Variants in TMEM260 observed in about 807,000 individuals in gnomAD.
TMEM260 encodes transmembrane protein 260.
TMEM260 carries 82 observed loss-of-function variants against 88.9 expected under a neutral mutation model. The ratio of observed to expected loss-of-function variants is 0.92; its 90% CI spans 0.77 to 1.11. The LOEUF (loss-of-function observed/expected upper bound fraction) is 1.11, where lower values mean the gene tolerates loss of function less well. Among genes scored for constraint, TMEM260 ranks in the 50% least tolerant of loss-of-function variants. TMEM260 has a pLI of 0.00. For synonymous variants in TMEM260, 314 were observed against 309.3 expected, an observed-to-expected ratio of 1.02 and a Z score of -0.16; for missense variants, 902 against 853.4, an observed-to-expected ratio of 1.06 and a Z score of -0.71.
intron 8 of TMEM260, chr14:56,616,408 A>G (rs117305094): frequency 0.017 from 2,809 of 161,310 alleles, 38 homozygotes; most frequent in Middle Eastern, 0.037. Context: ...GTAAATCTCC[A>G]TTAATTTATT....
chr14:56,641,089 C>A (rs965788426), intron 15 of TMEM260, among the ~76,000 whole-genome samples: 24 of 151,292 alleles, frequency 1.6e-4, no homozygotes, highest in Non-Finnish European at 7.4e-5. Flanking sequence ...GGAAAACACT[C>A]TGCAGGATAC....
chr14:56,621,861 G>C (rs556159838), intron 11 of TMEM260, among the ~76,000 whole-genome samples, 159 bp downstream of exon 11: 1 of 152,134 alleles, frequency 6.6e-6, no homozygotes, highest in African/African-American at 2.4e-5. Context: ...ATATATATGG[G>C]CATACTTTTT....
At chr14:56,624,511 G>A (rs1189863894) in intron 11 of TMEM260, among the ~76,000 whole-genome samples, 1 of 152,228 alleles carries the variant, frequency 6.6e-6, no homozygotes, top group African/African-American at 2.4e-5. Context: ...GGAGCTTGCA[G>A]TGGGCTGAGA....
At chr14:56,638,218 T>A (rs933495006) in intron 15 of TMEM260, 1 of 151,234 alleles carries the variant, frequency 6.6e-6, no homozygotes. Flanking sequence ...GGCAGCATGC[T>A]GGAGTTCTGT....
In TMEM260 at chr14:56,631,342, G is replaced by A. The variant is rs540629053; in HGVS notation, c.1548-1653G>A. 5.9e-5 allele frequency among the ~76,000 whole-genome samples: 9 copies of A among 152,222 alleles called. No individual in the cohort carries two copies. The South Asian group carries it at 1.9e-3, about 32-fold the overall frequency. On this transcript the variant is annotated intron_variant, in intron 12 of 15. Coordinates refer to ENST00000261556, the MANE Select transcript of TMEM260 (RefSeq NM_017799.4). ...TGGGAGGTGAGAATGTGCAGTGTGGGCCAGGTGTGGTGACTCACGCCTGTA... is the reference window on the plus strand; with the variant it reads ...TGGGAGGTGAGAATGTGCAGTGTGGACCAGGTGTGGTGACTCACGCCTGTA...
intron 3 of TMEM260, among the ~76,000 whole-genome samples, chr14:56,590,165 A>G (rs1360632405): frequency 6.6e-6 from 1 of 152,198 alleles, no homozygotes; most frequent in Non-Finnish European, 1.5e-5. Context: ...ATTGACTTAG[A>G]CTGCTTAAGC....
intron 13 of TMEM260, among the ~76,000 whole-genome samples, chr14:56,634,289 G>A (rs1403946056): frequency 6.6e-6 from 1 of 152,036 alleles, no homozygotes; most frequent in African/African-American, 2.4e-5. Flanking sequence ...CCTCTGCCCT[G>A]TTGCCATCTA....
At chr14:56,601,927 C>G (rs1886603079) in intron 3 of TMEM260, among the ~76,000 whole-genome samples, 1 of 151,994 alleles carries the variant, frequency 6.6e-6, no homozygotes, top group Non-Finnish European at 1.5e-5. Context: ...TACCCTGGCT[C>G]TAGAATCAGC....
At chr14:56,622,215 C>T (rs1430381912) in intron 11 of TMEM260, among the ~76,000 whole-genome samples, 8 of 151,818 alleles carry the variant, frequency 5.3e-5, no homozygotes, top group East Asian at 1.9e-4. Flanking sequence ...TGGTGGCACG[C>T]GCCTGTAGTC....
Position 56,621,631 on chromosome 14 carries a change from C to G in TMEM260, c.1327C>G (p.Pro443Ala). ...AATTATCTTACTCAGAGGAGATTTGCCAGGAAATTCTCTCCGTTACATGCA... is the reference window on the plus strand; with the variant it reads ...AATTATCTTACTCAGAGGAGATTTGGCAGGAAATTCTCTCCGTTACATGCA... ...DAIILLRGDL[P>A]GNSLRYMHYC... The change falls in exon 11 of 16, where the codon CCA (proline) becomes GCA (alanine). Residue 443 changes from proline to alanine, a missense_variant. Physicochemically the swap from Pro to Ala is conservative, Grantham distance 27. Transcript: ENST00000261556. 6.2e-7 allele frequency: 1 copy of G among 1,613,212 alleles called. No individual in the cohort carries two copies. The highest frequency in any genetic ancestry group is 8.5e-7 in the Non-Finnish European group (1 of 1,179,612).
intron 3 of TMEM260, among the ~76,000 whole-genome samples, chr14:56,600,685 T>C (rs1055307762): frequency 1.1e-4 from 16 of 152,130 alleles, no homozygotes; most frequent in Non-Finnish European, 1.8e-4. Flanking sequence ...TAGTACGTGC[T>C]CACTAGGATG....
chr14:56,617,254 G>A lies in TMEM260; in HGVS notation c.1013G>A (p.Trp338Ter). The A allele has an allele frequency of 1.2e-6, 2 of 1,603,680 alleles. No homozygotes were observed. The highest frequency in any genetic ancestry group is 1.7e-6 in the Non-Finnish European group (2 of 1,175,946). Residue 338 changes from tryptophan to a stop codon, truncating the protein, a stop_gained, in exon 9 of 16, where the codon TGG (tryptophan) becomes TAG (stop). Transcript: ENST00000261556. LOFTEE classifies it high-confidence loss of function. ...TGCATTTATTCATTGTTCTTTGCTT[G>A]GAGAGCAAATTTAGATATTTCAAAA... is the stretch of plus-strand genomic sequence containing the variant. ...MFCIYSLFFA[W>*]RANLDISKPL...
In TMEM260 at chr14:56,648,288, C is replaced by T. The variant is rs1476845422; in HGVS notation, c.*791C>T. The T allele has an allele frequency of 6.6e-6, 1 of 151,952 alleles. No homozygotes were observed. The highest frequency in any genetic ancestry group is 1.9e-4 in the East Asian group (1 of 5,198). 9.4% of individuals were successfully genotyped at this position (151,952 alleles called of 1,614,324 possible). Reference sequence around the variant, plus strand: ...GGGATTGGGGGGGATGGGGAAGTGGCCCAATAAATTCATTTCTGTTACAAG... The same window carrying T: ...GGGATTGGGGGGGATGGGGAAGTGGTCCAATAAATTCATTTCTGTTACAAG... On this transcript the variant is annotated 3_prime_UTR_variant, in exon 16 of 16. Transcript: ENST00000261556.
At chr14:56,614,310 G>T (rs1485193239) in intron 7 of TMEM260, among the ~76,000 whole-genome samples, 1 of 151,356 alleles carries the variant, frequency 6.6e-6, no homozygotes, top group Non-Finnish European at 1.5e-5. Flanking sequence ...AGCCCAGGAG[G>T]TCGAGGCTGC....
At chr14:56,595,324 T>C (rs1487587857) in intron 3 of TMEM260, among the ~76,000 whole-genome samples, 2 of 152,174 alleles carry the variant, frequency 1.3e-5, no homozygotes, top group Non-Finnish European at 2.9e-5. Context: ...GTCTTATTGA[T>C]ATGGAGGGTT....
chr14:56,612,247 C>G lies in TMEM260; in HGVS notation c.819C>G (p.Ala273=), dbSNP rs931203320. ...LREEYGTFSL[A]KSEIGSSMSE... ...AAACTTTTGTCTTTTGTGTTTAGGC[C>G]AAATCTGAAATAGGATCCAGTATGT... The change falls in exon 7 of 16, where the codon GCC becomes GCG. Residue 273 remains alanine, a splice_region_variant and synonymous_variant. Transcript: ENST00000261556. 3 of 1,613,354 alleles carry G rather than the reference C, an allele frequency of 1.9e-6. No homozygotes were observed. The highest frequency in any genetic ancestry group is 2.5e-6 in the Non-Finnish European group (3 of 1,179,452).
chr14:56,594,049 G>C (rs921856847), intron 3 of TMEM260, among the ~76,000 whole-genome samples: 2 of 152,154 alleles, frequency 1.3e-5, no homozygotes, highest in African/African-American at 4.8e-5. Flanking sequence ...GGTGGTTGAA[G>C]ATTGTGATCT....
At chr14:56,615,521 A>G (rs1206711650) in intron 7 of TMEM260, 2 of 153,276 alleles carry the variant, frequency 1.3e-5, no homozygotes, top group African/African-American at 4.8e-5. Flanking sequence ...TATTTTCTTC[A>G]TATTAGATCT....
chr14:56,614,867 T>G (rs1035227236), intron 7 of TMEM260, among the ~76,000 whole-genome samples: 1 of 152,022 alleles, frequency 6.6e-6, no homozygotes, highest in Non-Finnish European at 1.5e-5. Flanking sequence ...TATGAGAAAA[T>G]CCTTCAAAAT....
Sources: gnomAD v4.1 joint callset for allele counts (sites outside exome capture counted in the v4.1 genomes callset) on GRCh38, gnomAD v4.1.1 for gene constraint, MANE v1.5 for transcripts, NCBI Gene and HGNC (gene_info 2026-07-23, HGNC 2026-07-21) for gene names.